Variants in FBXL19 observed in about 807,000 individuals in gnomAD.
FBXL19 encodes F-box/LRR-repeat protein 19.
Under a neutral mutation model 71.2 loss-of-function variants are expected in FBXL19, and 16 were observed. The ratio of observed to expected loss-of-function variants is 0.22; its 90% CI spans 0.15 to 0.34. The LOEUF is 0.34. Among genes scored for constraint, FBXL19 ranks in the 10% least tolerant of loss-of-function variants. The probability of loss-of-function intolerance (pLI) is 1.00; values close to 1 mark genes in which losing one functional copy is unlikely to be tolerated. For missense variants in FBXL19, 658 were observed against 968.2 expected, an observed-to-expected ratio of 0.68 and a Z score of 4.25; for synonymous variants, 447 against 409.4, an observed-to-expected ratio of 1.09 and a Z score of -1.11.
At chr16:30,922,905 G>T, upstream of FBXL19, 1 of 387,472 alleles carries the variant, frequency 2.6e-6, no homozygotes, top group Admixed American at 2.7e-5. Context: ...GCGGAGACCG[G>T]GAGAGGCTAG....
At chr16:30,943,409 C>G (rs771293954) in intron 9 of FBXL19, among the ~76,000 whole-genome samples, 2 of 110,956 alleles carry the variant, frequency 1.8e-5, no homozygotes, top group Admixed American at 1.4e-4. Context: ...AAGTCTTGCT[C>G]TGTCGCCCAG....
chr16:30,947,305 C>A lies in FBXL19; in HGVS notation c.*75C>A, dbSNP rs2055871291. 4.6e-6 allele frequency: 6 copies of A among 1,292,022 alleles called. No homozygotes were observed. The Admixed American group carries it at 1.1e-4, about 23-fold the overall frequency. The allele number at this position is 1,292,022 out of a possible 1,614,324, so 80.0% of individuals were successfully genotyped here. ...GCTTCATTTCACCCCTGCTGGGAGG[C>A]CAGGTTCCCACCTCACCACCCTGGG... On this transcript the variant is annotated 3_prime_UTR_variant, in exon 11 of 11. Transcript: ENST00000338343.
At chr16:30,926,168 C>T (rs2055587761) in intron 2 of FBXL19, among the ~76,000 whole-genome samples, 1 of 152,338 alleles carries the variant, frequency 6.6e-6, no homozygotes, top group African/African-American at 2.4e-5. Context: ...CTTCCCAGCT[C>T]TCAGAGTCAC....
At chr16:30,932,872 G>A (rs1185415113) in intron 7 of FBXL19, among the ~76,000 whole-genome samples, 21 of 121,628 alleles carry the variant, frequency 1.7e-4, no homozygotes, top group African/African-American at 6.8e-4. Flanking sequence ...ACAGAGCCTT[G>A]CTCTGTCACC....
At position 30,946,715 on chromosome 16, in the gene FBXL19, C is replaced by A. The variant is rs781364716; in HGVS notation, c.1628-15C>A. ...GGAGTGGCCAGGAGTGCTGACCTCT[C>A]ATCTGGCTGCCCAGGGCAAACAGAG... On this transcript the variant is annotated splice_polypyrimidine_tract_variant and intron_variant, in intron 9 of 10. Coordinates refer to ENST00000338343, the MANE Select transcript of FBXL19 (RefSeq NM_001382779.1). The surrounding 1 kb of genome is among the most constrained non-coding windows in gnomAD (Gnocchi z 6.7). The A allele has an allele frequency of 3.1e-6, 5 of 1,607,816 alleles. No homozygotes were observed. The highest frequency in any genetic ancestry group is 3.4e-6 in the Non-Finnish European group (4 of 1,177,926).
chr16:30,943,367 A>AT (rs34002102), intron 9 of FBXL19, among the ~76,000 whole-genome samples: 1,484 of 67,548 alleles, frequency 0.022, 13 homozygotes, highest in Non-Finnish European at 0.025. Flanking sequence ...TTTTTTTGTA[A>AT]TTTTTTTTTT....
Position 30,930,297 on chromosome 16 carries a change from G to A in FBXL19, c.1014G>A (p.Arg338=). The change falls in exon 7 of 11, where the codon CGG becomes CGA. Residue 338 remains arginine, a synonymous_variant. Coordinates refer to ENST00000338343, the MANE Select transcript of FBXL19 (RefSeq NM_001382779.1). The surrounding 1 kb of genome is among the most constrained non-coding windows in gnomAD (Gnocchi z 8.5). ...CCCGGAATGGGCGACGGCCAGCCCG[G>A]GGCAGCTCTGGCGAGAAGGAGAACC... ...GEARNGRRPA[R]GSSGEKENRG... The A allele has an allele frequency of 1.2e-6, 2 of 1,611,260 alleles. No homozygotes were observed. Among genetic ancestry groups the A allele is most frequent in the African/African-American group, 1.3e-5 (1 of 75,034 alleles).
chr16:30,944,230 A>G (rs1431454335), intron 9 of FBXL19, among the ~76,000 whole-genome samples: 1 of 102,280 alleles, frequency 9.8e-6, no homozygotes. Flanking sequence ...TTTTAAGTTC[A>G]TGGGTATATG....
chr16:30,925,778 G>A lies in FBXL19; in HGVS notation c.24G>A (p.Pro8=), dbSNP rs1225201950. The change falls in exon 2 of 11, where the codon CCG becomes CCA. Residue 8 remains proline, a synonymous_variant. Transcript: ENST00000338343. The surrounding 1 kb of genome is among the most constrained non-coding windows in gnomAD (Gnocchi z 5.0). ...CAATGTCGTCGAGCAGCCGGGGGCC[G>A]GGGGCCGGAGCGCGCCGACGCCGAA... MSSSSRG[P]GAGARRRRTR... 1.4e-6 allele frequency: 2 copies of A among 1,480,640 alleles called. No individual in the cohort carries two copies. Among genetic ancestry groups the A allele is most frequent in the East Asian group, 2.7e-5 (1 of 37,018 alleles). The allele number at this position is 1,480,640 out of a possible 1,614,324, so 91.7% of individuals were successfully genotyped here.
chr16:30,934,842 G>A (rs1260650949), intron 7 of FBXL19, among the ~76,000 whole-genome samples: 2 of 152,198 alleles, frequency 1.3e-5, no homozygotes, highest in Admixed American at 6.5e-5. Context: ...TGCTCAGGAC[G>A]TGTGGGTCTG....
intron 6 of FBXL19, among the ~76,000 whole-genome samples, chr16:30,929,589 C>T (rs1384503043): frequency 2.6e-5 from 4 of 152,172 alleles, no homozygotes; most frequent in Admixed American, 6.5e-5. Flanking sequence ...GACAGAGTCT[C>T]GCTCTGTCGC....
In FBXL19 at chr16:30,924,682, C is replaced by T. The variant is rs554777493; in HGVS notation, c.-25+223C>T. The T allele has an allele frequency of 9.9e-5, 145 of 1,463,050 alleles. No homozygotes were observed. In the East Asian group the frequency reaches 3.7e-3, roughly 37 times the overall value. 90.6% of individuals were successfully genotyped at this position (1,463,050 alleles called of 1,614,324 possible). A position where few individuals can be genotyped will look rare whatever the true frequency, so the allele number is the denominator to read the frequency against. ...AGCCCCCACCCCCGCCTGCAGTCGC[C>T]GCCCTCCAGGCCCCTCCCCTGGAGC... On this transcript the variant is annotated intron_variant, in intron 1 of 10. Coordinates refer to ENST00000338343, the MANE Select transcript of FBXL19 (RefSeq NM_001382779.1).
chr16:30,928,384 G>C, intron 5 of FBXL19, 83 bp from the exon 6 acceptor site: 1 of 1,356,092 alleles, frequency 7.4e-7, no homozygotes, highest in Non-Finnish European at 9.8e-7. Context: ...AGTCTAAGAG[G>C]AGGGCATGGA....
intron 7 of FBXL19, among the ~76,000 whole-genome samples, chr16:30,932,656 C>G (rs755839415): frequency 6.6e-6 from 1 of 151,956 alleles, no homozygotes; most frequent in Non-Finnish European, 1.5e-5. Context: ...TGAAGTGATT[C>G]CTACAAAGCC....
At chr16:30,940,258 CAAAA>C (rs879944923) in intron 7 of FBXL19, among the ~76,000 whole-genome samples, 4 of 115,736 alleles carry the variant, frequency 3.5e-5, no homozygotes, top group South Asian at 5.5e-4. Flanking sequence ...AACTCTGTCT[CAAAA>C]AAAAAAAAAA....
intron 7 of FBXL19, among the ~76,000 whole-genome samples, chr16:30,931,735 AT>A (rs200891801): frequency 6.6e-6 from 1 of 150,724 alleles, no homozygotes; most frequent in African/African-American, 2.4e-5. Flanking sequence ...TTTTATTTTT[AT>A]TTTTTTTTAA....
At position 30,923,591 on chromosome 16, in the gene FBXL19, A is replaced by C. The variant is rs2055551264; in HGVS notation, c.-893A>C. On this transcript the variant is annotated 5_prime_UTR_variant, in exon 1 of 11. Transcript: ENST00000338343. ...GGGGGGAAGAGAGGAGGAAGGAGGA[A>C]GGAGCTGAGGAGGGATGAGAGAGGC... Among the ~76,000 whole-genome samples, 2 of 145,928 alleles carry C rather than the reference A, an allele frequency of 1.4e-5. No homozygotes were observed. The highest frequency in any genetic ancestry group is 2.2e-4 in the South Asian group (1 of 4,468).
intron 7 of FBXL19, among the ~76,000 whole-genome samples, chr16:30,935,881 C>T (rs1408310100): frequency 2.0e-5 from 3 of 152,192 alleles, no homozygotes; most frequent in South Asian, 2.1e-4. Context: ...TCTGGGACGA[C>T]GGCACACCTT....
Position 30,925,913 on chromosome 16 carries a change from G to A in FBXL19, c.159G>A (p.Leu53=). The change falls in exon 2 of 11, where the codon CTG becomes CTA. Residue 53 remains leucine, a synonymous_variant. Transcript: ENST00000338343. This position sits in a 1 kb window ranked among gnomAD's most constrained non-coding sequence, Gnocchi z 5.0. ...CCGGGCGCATGAAGCAGTCGTGCCT[G>A]CTCCGGCAGTGCACTGCCGTGAGTT... is the stretch of plus-strand genomic sequence containing the variant. ...GGPGRMKQSC[L]LRQCTAPVLP... is the part of the protein sequence containing the mutation. 1 of 1,491,478 alleles carries A rather than the reference G, an allele frequency of 6.7e-7. No individual in the cohort carries two copies. Among genetic ancestry groups the A allele is most frequent in the Non-Finnish European group, 8.9e-7 (1 of 1,125,468 alleles). 92.4% of individuals were successfully genotyped at this position (1,491,478 alleles called of 1,614,324 possible). A position where few individuals can be genotyped will look rare whatever the true frequency, so the allele number is the denominator to read the frequency against.
Sources: allele counts gnomAD v4.1 joint callset (sites outside exome capture counted in the v4.1 genomes callset), GRCh38; gene constraint gnomAD v4.1.1; non-coding constraint Gnocchi (gnomAD v3.1); transcripts MANE v1.5; gene names NCBI Gene and HGNC (gene_info 2026-07-23, HGNC 2026-07-21).